The following PRRC2C variants were observed in gnomAD, a reference collection of about 807,000 sequenced individuals.
The protein encoded by PRRC2C is protein PRRC2C.
A neutral mutation model predicts 317.2 loss-of-function variants in PRRC2C; 72 were observed. The ratio of observed to expected loss-of-function variants is 0.23; its 90% CI spans 0.19 to 0.28. PRRC2C has a LOEUF of 0.28. Ranked by LOEUF, PRRC2C falls within the 10% of genes least tolerant of loss-of-function variation. The probability of loss-of-function intolerance (pLI) is 1.00; values close to 1 mark genes in which losing one functional copy is unlikely to be tolerated. For missense variants in PRRC2C, 3,074 were observed against 3,459.7 expected (o/e 0.89, Z 2.80); for synonymous variants, 1,296 against 1,205.9 (o/e 1.07, Z -1.55).
intron 6 of PRRC2C, among the ~76,000 whole-genome samples, chr1:171,519,115 G>T (rs183800937): frequency 6.6e-6 from 1 of 151,944 alleles, no homozygotes; most frequent in Non-Finnish European, 1.5e-5. Flanking sequence ...AACTCCTAAC[G>T]TCAAGTGATC....
intron 20 of PRRC2C, among the ~76,000 whole-genome samples, chr1:171,561,631 T>C (rs1682734330): frequency 6.6e-6 from 1 of 152,208 alleles, no homozygotes; most frequent in Non-Finnish European, 1.5e-5. Flanking sequence ...ATAAGGTGTG[T>C]CTCACTTTTA....
chr1:171,493,036 C>T (rs1667463535), intron 1 of PRRC2C, among the ~76,000 whole-genome samples: 1 of 151,534 alleles, frequency 6.6e-6, no homozygotes, highest in African/African-American at 2.4e-5. Flanking sequence ...AGGCGTGAGC[C>T]ACTGCGCCTG....
chr1:171,577,737 C>A, intron 26 of PRRC2C, 100 bp downstream of exon 26: 60 of 891,944 alleles, frequency 6.7e-5, no homozygotes, highest in Non-Finnish European at 9.7e-5. Flanking sequence ...GCATAAGGCT[C>A]TTAAAGTACA....
intron 26 of PRRC2C, among the ~76,000 whole-genome samples, chr1:171,579,107 A>T (rs895822041): frequency 2.6e-5 from 4 of 152,136 alleles, no homozygotes; most frequent in Non-Finnish European, 5.9e-5. Context: ...TCTATACCCC[A>T]TTGGCGGTAT....
chr1:171,506,512 G>GT (rs1670251601), intron 1 of PRRC2C, among the ~76,000 whole-genome samples: 1 of 149,884 alleles, frequency 6.7e-6, no homozygotes. Context: ...TTTGGCCATT[G>GT]TTTTTTCACT....
At chr1:171,559,170 A>G (rs1489487351) in intron 19 of PRRC2C, among the ~76,000 whole-genome samples, 3 of 152,234 alleles carry the variant, frequency 2.0e-5, no homozygotes, top group Non-Finnish European at 4.4e-5. Flanking sequence ...CAAAGCAGCA[A>G]GTTATCCAGA....
intron 1 of PRRC2C, among the ~76,000 whole-genome samples, chr1:171,505,122 G>T (rs1476689111): frequency 1.3e-5 from 2 of 151,840 alleles, no homozygotes; most frequent in African/African-American, 4.8e-5. Flanking sequence ...CCGCCTCCTG[G>T]GTTCAAGTGA....
chr1:171,514,568 C>A lies in PRRC2C; in HGVS notation c.323C>A (p.Pro108His), dbSNP rs771544207. ...GAAGTGCCACCAGCACAGCCAAAAC[C>A]TGGGGTTGCAGCTCCCCCAGAAGTA... The part of the protein sequence containing the change: ...TPEVPPAQPK[P>H]GVAAPPEVAP... Residue 108 changes from proline (P) to histidine (H), a missense_variant, in exon 4 of 35, where the codon CCT (proline) becomes CAT (histidine). Pro to His is a moderately conservative substitution (Grantham distance 77). This residue lies in a region of PRRC2C where 237 missense variants were observed against 199.5 expected (regional missense o/e 1.19). Coordinates refer to ENST00000647382, the MANE Select transcript of PRRC2C (RefSeq NM_001387844.1). The A allele has an allele frequency of 6.4e-7, 1 of 1,559,218 alleles. No individual in the cohort carries two copies. The highest frequency in any genetic ancestry group is 8.7e-7 in the Non-Finnish European group (1 of 1,151,644).
rs141728057 is a variant in PRRC2C, at chr1:171,516,895, C to G, written c.527-696C>G. 2.2e-3 allele frequency among the ~76,000 whole-genome samples: 338 copies of G among 152,298 alleles called. 1 individual carries two copies. Among genetic ancestry groups the G allele is most frequent in the African/African-American group, 7.9e-3 (327 of 41,560 alleles). ...AGAGACAGACACCCTCCACCCAAGA[C>G]AGAAGCCCACAGTCTTTAATAACTT... On this transcript the variant is annotated intron_variant, in intron 5 of 34. Transcript: ENST00000647382.
At chr1:171,534,027 A>G (rs1042790971) in intron 12 of PRRC2C, among the ~76,000 whole-genome samples, 1 of 152,216 alleles carries the variant, frequency 6.6e-6, no homozygotes, top group Admixed American at 6.5e-5. Context: ...CTGACGTCTC[A>G]TGCTCTTTTC....
At position 171,528,286 on chromosome 1, in the gene PRRC2C, A is replaced by ATTTTTT. The variant is rs60053076; in HGVS notation, c.1254+458_1254+463dup. ...TATTTCTCTGTTCTCCATCAGTGAA[A>ATTTTTT]TTTTTTTTTTTTTTTTTTTTTAGAC... On this transcript the variant is annotated intron_variant, in intron 11 of 34. Coordinates refer to ENST00000647382, the MANE Select transcript of PRRC2C (RefSeq NM_001387844.1). Among the ~76,000 whole-genome samples, 370 of 135,764 alleles carry ATTTTTT rather than the reference A, an allele frequency of 2.7e-3. 1 individual carries two copies. Among genetic ancestry groups the ATTTTTT allele is most frequent in the Non-Finnish European group, 4.0e-3 (252 of 63,676 alleles). 89.1% of individuals were successfully genotyped at this position (135,764 alleles called of 152,430 possible).
intron 19 of PRRC2C, among the ~76,000 whole-genome samples, chr1:171,559,505 GTTTGTTTTTTTTTT>G (rs1183259477): frequency 6.3e-5 from 6 of 95,124 alleles, no homozygotes; most frequent in Admixed American, 1.5e-4. Flanking sequence ...GGCATACCAA[GTTTGTTTTTTTTTT>G]TTTTTTTTTT....
chr1:171,520,743 G>GTTGCTTGACTTAATTAACA (rs1673388764), intron 6 of PRRC2C, among the ~76,000 whole-genome samples: 1 of 146,978 alleles, frequency 6.8e-6, no homozygotes, highest in Non-Finnish European at 1.5e-5. Flanking sequence ...AGTTTCAGCT[G>GTTGCTTGACTTAATTAACA]TTGCTTGACT....
chr1:171,501,015 C>G (rs1242937151), intron 1 of PRRC2C, among the ~76,000 whole-genome samples: 7 of 152,224 alleles, frequency 4.6e-5, no homozygotes, highest in Non-Finnish European at 1.0e-4. Context: ...CCTCCCACCT[C>G]AGCCTCCTGA....
chr1:171,550,290 A>G lies in PRRC2C; in HGVS notation c.5127+50A>G, dbSNP rs777387844. 9 of 1,475,092 alleles carry G rather than the reference A, an allele frequency of 6.1e-6. No homozygotes were observed. The African/African-American group carries it at 7.0e-5, about 11-fold the overall frequency. The allele number at this position is 1,475,092 out of a possible 1,614,324, so 91.4% of individuals were successfully genotyped here. On this transcript the variant is annotated intron_variant, in intron 18 of 34. Transcript: ENST00000647382. ...GCTAGTTATCTAGATTTGTTGCCCAAAGTGTATCAGCAAATGTTCAAGGTT... is the reference window on the plus strand; with the variant it reads ...GCTAGTTATCTAGATTTGTTGCCCAGAGTGTATCAGCAAATGTTCAAGGTT...
chr1:171,590,770 T>A (rs1651240304), intron 34 of PRRC2C, among the ~76,000 whole-genome samples: 1 of 152,226 alleles, frequency 6.6e-6, no homozygotes, highest in Non-Finnish European at 1.5e-5. Context: ...GGAAGTTATT[T>A]GGCCTTGGAT....
At chr1:171,526,737 A>G (rs1371150775) in intron 10 of PRRC2C, among the ~76,000 whole-genome samples, 2 of 151,974 alleles carry the variant, frequency 1.3e-5, no homozygotes, top group African/African-American at 4.8e-5. Context: ...GCTTTTATTT[A>G]AAAAGAGAGG....
rs746722738 is a variant in PRRC2C at position 171,591,869 on chromosome 1, G to GA, written c.*23dup. On this transcript the variant is annotated 3_prime_UTR_variant, in exon 35 of 35. Transcript: ENST00000647382. The stretch of plus-strand genomic sequence containing the variant: ...TTAAAGGCTATGGTTTATTGCAGGG[G>GA]ATTGGGAGGGGGGCGGGAAAACATG... The GA allele has an allele frequency of 8.8e-6, 8 of 905,958 alleles. No homozygotes were observed. The highest frequency in any genetic ancestry group is 4.7e-5 in the Admixed American group (2 of 42,784). 56.1% of individuals were successfully genotyped at this position (905,958 alleles called of 1,614,324 possible).
At chr1:171,576,763 G>A (rs374085524) in intron 25 of PRRC2C, among the ~76,000 whole-genome samples, 2 of 152,062 alleles carry the variant, frequency 1.3e-5, no homozygotes, top group African/African-American at 4.8e-5. Flanking sequence ...TGTCATCACT[G>A]TTCACTGCAG....
Sources: gnomAD v4.1 joint callset for allele counts (sites outside exome capture counted in the v4.1 genomes callset) on GRCh38, gnomAD v4.1.1 for gene constraint, gnomAD v4.1.1 regional missense constraint, MANE v1.5 for transcripts, NCBI Gene and HGNC (gene_info 2026-07-23, HGNC 2026-07-21) for gene names.